SPSB4: variants seen among roughly 807,000 people sequenced by gnomAD.
The protein encoded by SPSB4 is SPRY domain-containing SOCS box protein 4.
A neutral mutation model predicts 20.9 loss-of-function variants in SPSB4; 21 were observed. That is an observed-to-expected ratio of 1.01 (90% confidence interval 0.71 to 1.45). SPSB4 has a LOEUF of 1.45. Among genes scored for constraint, SPSB4 ranks in the 40% most tolerant of loss-of-function variants. The pLI is 0.00. For synonymous variants in SPSB4, 207 were observed against 183.8 expected (o/e 1.13, Z -1.02); for missense variants, 399 against 399.2 (o/e 1.00, Z 0.00).
At chr3:141,147,117 T>C (rs371638825) in intron 2 of SPSB4, 25 bp from the exon 3 acceptor site, 76 of 1,613,082 alleles carry the variant, frequency 4.7e-5, no homozygotes, top group Non-Finnish European at 6.4e-5. Flanking sequence ...CAGGGCACAC[T>C]CTAACTGCTT....
At chr3:141,097,908 A>T (rs185903982) in intron 2 of SPSB4, among the ~76,000 whole-genome samples, 181 of 152,328 alleles carry the variant, frequency 1.2e-3, no homozygotes, top group South Asian at 1.2e-3. Flanking sequence ...TGGAGTTCCT[A>T]GTCTGAGCAG....
chr3:141,140,708 G>A (rs113846552), intron 2 of SPSB4, among the ~76,000 whole-genome samples: 3,428 of 152,314 alleles, frequency 0.023, 73 homozygotes, highest in East Asian at 0.054. Flanking sequence ...TCTCAGAGGA[G>A]TACCCGGCCG....
intron 2 of SPSB4, among the ~76,000 whole-genome samples, chr3:141,109,362 T>C (rs1938756845): frequency 6.6e-6 from 1 of 152,018 alleles, no homozygotes. Flanking sequence ...ACCTTCTCAT[T>C]CCACCCCTCA....
At chr3:141,115,211 C>T (rs551160404) in intron 2 of SPSB4, 27 of 152,314 alleles carry the variant, frequency 1.8e-4, no homozygotes, top group Non-Finnish European at 4.4e-5. Flanking sequence ...TGATCAGATT[C>T]CTGGATCCAA....
At chr3:141,135,614 T>G (rs1233885487) in intron 2 of SPSB4, among the ~76,000 whole-genome samples, 6 of 152,044 alleles carry the variant, frequency 3.9e-5, no homozygotes, top group Admixed American at 3.3e-4. Context: ...GTCCTTGTGA[T>G]AGTTTGCTGA....
intron 1 of SPSB4, among the ~76,000 whole-genome samples, chr3:141,058,377 G>C (rs1403319130): frequency 1.3e-5 from 2 of 152,230 alleles, no homozygotes; most frequent in Admixed American, 6.5e-5. Flanking sequence ...AAGCCCCAGA[G>C]CAGATCCTTC....
At chr3:141,061,695 C>A (rs1937764828) in intron 1 of SPSB4, among the ~76,000 whole-genome samples, 1 of 149,902 alleles carries the variant, frequency 6.7e-6, no homozygotes, top group East Asian at 1.9e-4. Context: ...ACCTAATATC[C>A]TTTTTCTTCT....
intron 2 of SPSB4, among the ~76,000 whole-genome samples, chr3:141,075,302 A>T (rs1938084645): frequency 6.6e-6 from 1 of 152,132 alleles, no homozygotes; most frequent in Non-Finnish European, 1.5e-5. Flanking sequence ...AAGACCCTCC[A>T]TGGCTTCTCA....
At chr3:141,089,089 C>A (rs1007353202) in intron 2 of SPSB4, among the ~76,000 whole-genome samples, 1 of 152,200 alleles carries the variant, frequency 6.6e-6, no homozygotes, top group Admixed American at 6.5e-5. Context: ...GGCCAAGGAG[C>A]CCTTCCTGGC....
chr3:141,148,482 T>C lies in SPSB4; in HGVS notation c.*1213T>C, dbSNP rs1939455107. The C allele has an allele frequency of 6.5e-6, 1 of 152,716 alleles. No homozygotes were observed. Among genetic ancestry groups the C allele is most frequent in the African/African-American group, 2.4e-5 (1 of 41,436 alleles). The allele number at this position is 152,716 out of a possible 1,614,324, so 9.5% of individuals were successfully genotyped here. A position where few individuals can be genotyped will look rare whatever the true frequency, so the allele number is the denominator to read the frequency against. ...CAGACTCATTTTTAACTGGAAATCA[T>C]CACAGCAGTGGGATATCAGAGCCCC... On this transcript the variant is annotated 3_prime_UTR_variant, in exon 3 of 3. Transcript: ENST00000310546. The surrounding 1 kb of genome is among the most constrained non-coding windows in gnomAD (Gnocchi z 4.5).
Position 141,132,612 on chromosome 3 carries a change from T to G in SPSB4, c.695-14530T>G, listed in dbSNP as rs150938041. ...CCAGGTTGCTGTGAATGCCATTATT[T>G]CATTCCTTTTTTATGGCTGAGTAGT... is the stretch of plus-strand genomic sequence containing the variant. On this transcript the variant is annotated intron_variant, in intron 2 of 2. Transcript: ENST00000310546. 8.5e-5 allele frequency among the ~76,000 whole-genome samples: 13 copies of G among 152,204 alleles called. No individual in the cohort carries two copies. The East Asian group carries it at 9.6e-4, about 11-fold the overall frequency.
intron 2 of SPSB4, among the ~76,000 whole-genome samples, chr3:141,127,888 G>A (rs757025213): frequency 7.2e-5 from 11 of 152,322 alleles, no homozygotes; most frequent in African/African-American, 2.2e-4. Flanking sequence ...GAACCGAACC[G>A]AATTCCAGAA....
At chr3:141,069,438 G>A (rs1937951591) in intron 2 of SPSB4, among the ~76,000 whole-genome samples, 1 of 152,212 alleles carries the variant, frequency 6.6e-6, no homozygotes, top group Non-Finnish European at 1.5e-5. Flanking sequence ...GGTGGATTCT[G>A]TGCATGGAAA....
At chr3:141,082,615 G>A (rs567840177) in intron 2 of SPSB4, among the ~76,000 whole-genome samples, 74 of 138,774 alleles carry the variant, frequency 5.3e-4, no homozygotes, top group African/African-American at 1.9e-3. Flanking sequence ...CCCCAACCCA[G>A]GTGCTATCTA....
At chr3:141,093,631 C>A (rs1559847235) in intron 2 of SPSB4, among the ~76,000 whole-genome samples, 1 of 152,154 alleles carries the variant, frequency 6.6e-6, no homozygotes, top group Non-Finnish European at 1.5e-5. Context: ...ACCTTCCCAC[C>A]CTGCGGCGCT....
At chr3:141,133,466 G>C (rs528971069) in intron 2 of SPSB4, among the ~76,000 whole-genome samples, 4 of 152,152 alleles carry the variant, frequency 2.6e-5, no homozygotes, top group African/African-American at 9.7e-5. Context: ...GGTGATTTTT[G>C]TATAAGATGA....
At chr3:141,095,053 G>C (rs1418153662) in intron 2 of SPSB4, among the ~76,000 whole-genome samples, 5 of 152,124 alleles carry the variant, frequency 3.3e-5, no homozygotes, top group African/African-American at 1.2e-4. Context: ...ACTGGCTGGC[G>C]GTGTATTCTG....
At chr3:141,069,479 G>A (rs1193226607) in intron 2 of SPSB4, among the ~76,000 whole-genome samples, 1 of 152,176 alleles carries the variant, frequency 6.6e-6, no homozygotes, top group African/African-American at 2.4e-5. Context: ...TTGTGGACAT[G>A]GTGGCAGGTC....
Position 141,062,988 on chromosome 3 carries a change from C to G in SPSB4, c.-153-2964C>G, listed in dbSNP as rs147330152. Among the ~76,000 whole-genome samples the G allele has an allele frequency of 3.1e-4, 46 of 149,570 alleles. No homozygotes were observed. The East Asian group carries it at 8.9e-3, about 29-fold the overall frequency. On this transcript the variant is annotated intron_variant, in intron 1 of 2. Transcript: ENST00000310546. ...AGAAGAGGGAAATTAAAATTACATG[C>G]CTCTGATGTGTGTCTGTCTAAGGCC... is the stretch of plus-strand genomic sequence containing the variant.
Sources: allele counts gnomAD v4.1 joint callset (sites outside exome capture counted in the v4.1 genomes callset), GRCh38; gene constraint gnomAD v4.1.1; non-coding constraint Gnocchi (gnomAD v3.1); transcripts MANE v1.5; gene names NCBI Gene and HGNC (gene_info 2026-07-23, HGNC 2026-07-21).